The following RGS22 variants were observed in gnomAD, a reference collection of about 807,000 sequenced individuals.
RGS22 encodes regulator of G-protein signaling 22.
A neutral mutation model predicts 172.9 loss-of-function variants in RGS22; 148 were observed. The observed-to-expected ratio is 0.86, with a 90% CI of 0.75 to 0.98. RGS22 has a LOEUF of 0.98. Ranked by LOEUF, RGS22 falls within the 50% of genes least tolerant of loss-of-function variation. The probability of loss-of-function intolerance (pLI) is 0.00; values close to 1 mark genes in which losing one functional copy is unlikely to be tolerated. For missense variants in RGS22, 1,347 were observed against 1,440.8 expected (o/e 0.93, Z 1.05); for synonymous variants, 458 against 480.2 (o/e 0.95, Z 0.60).
chr8:100,101,587 C>A (rs1052865812), intron 2 of RGS22, among the ~76,000 whole-genome samples: 1 of 151,290 alleles, frequency 6.6e-6, no homozygotes, highest in Non-Finnish European at 1.5e-5. Context: ...GCCACTGCGC[C>A]CAGCCCTAAA....
intron 2 of RGS22, among the ~76,000 whole-genome samples, chr8:100,096,361 T>A (rs1167202113): frequency 2.0e-5 from 3 of 152,196 alleles, no homozygotes; most frequent in African/African-American, 7.2e-5. Context: ...GCAACACAGA[T>A]TCTCTGTTGA....
At chr8:100,099,518 C>A (rs534646921) in intron 2 of RGS22, among the ~76,000 whole-genome samples, 5 of 152,146 alleles carry the variant, frequency 3.3e-5, no homozygotes, top group African/African-American at 4.8e-5. Context: ...TATTAAAGGC[C>A]ATCTCTCTGA....
At chr8:99,979,015 C>T (rs1172355467) in intron 22 of RGS22, among the ~76,000 whole-genome samples, 1 of 152,146 alleles carries the variant, frequency 6.6e-6, no homozygotes, top group Non-Finnish European at 1.5e-5. Flanking sequence ...TTATTCACTC[C>T]TTCTAAAATA....
chr8:99,992,724 C>T (rs912313540), intron 20 of RGS22, among the ~76,000 whole-genome samples: 2 of 152,190 alleles, frequency 1.3e-5, no homozygotes, highest in Admixed American at 6.5e-5. Flanking sequence ...AGAAAATTAA[C>T]AAGGATATCC....
rs1292272798 is a variant in RGS22 at position 99,962,934 on chromosome 8, C to A, written c.3660G>T (p.Glu1220Asp). Residue 1220 changes from glutamate to aspartate, a missense_variant, in exon 25 of 28, where the codon GAG (glutamate) becomes GAT (aspartate). By Grantham distance (45) the Glu-to-Asp change is conservative. Transcript: ENST00000360863. The stretch of plus-strand genomic sequence containing the variant: ...CTTCTTGGATCTTAAGAAGAATTCT[C>A]TCCTGTTCTAAGGCTTCTATATACT... ...YSKYIEALEQ[E>D]RILLKIQEEL... is the part of the protein sequence containing the mutation. 1 of 1,600,240 alleles carries A rather than the reference C, an allele frequency of 6.2e-7. No homozygotes were observed. The highest frequency in any genetic ancestry group is 8.5e-7 in the Non-Finnish European group (1 of 1,176,930).
intron 20 of RGS22, among the ~76,000 whole-genome samples, 183 bp downstream of exon 20, chr8:99,996,279 T>G (rs1463267733): frequency 6.6e-6 from 1 of 152,004 alleles, no homozygotes; most frequent in Non-Finnish European, 1.5e-5. Context: ...AAGAACAGAG[T>G]TCTGATAGAG....
At chr8:100,013,449 CTGTTT>C (rs1441756114) in intron 14 of RGS22, among the ~76,000 whole-genome samples, 1 of 152,082 alleles carries the variant, frequency 6.6e-6, no homozygotes, top group Non-Finnish European at 1.5e-5. Context: ...TTTACTCTTT[CTGTTT>C]TAAGATTTAG....
chr8:99,981,559 C>T (rs1318469600), intron 22 of RGS22, among the ~76,000 whole-genome samples: 2 of 152,006 alleles, frequency 1.3e-5, no homozygotes, highest in Non-Finnish European at 2.9e-5. Context: ...AAAAAAACTG[C>T]ATTTAAGTTA....
At chr8:100,028,878 G>C (rs1818464691) in intron 14 of RGS22, among the ~76,000 whole-genome samples, 1 of 152,144 alleles carries the variant, frequency 6.6e-6, no homozygotes, top group African/African-American at 2.4e-5. Context: ...ACATGTGGCT[G>C]CTTCTAATCA....
At chr8:100,086,874 A>G (rs1812204882) in intron 3 of RGS22, among the ~76,000 whole-genome samples, 1 of 152,118 alleles carries the variant, frequency 6.6e-6, no homozygotes, top group African/African-American at 2.4e-5. Flanking sequence ...GAGCCACTGA[A>G]GAGTTTTTAG....
At chr8:100,036,548 G>A (rs1306012305) in intron 14 of RGS22, among the ~76,000 whole-genome samples, 3 of 152,106 alleles carry the variant, frequency 2.0e-5, no homozygotes, top group African/African-American at 7.2e-5. Flanking sequence ...CAGTCTCCTA[G>A]CACACGAATT....
At chr8:100,008,298 A>G (rs1815959644) in intron 15 of RGS22, 77 bp downstream of exon 15, 1 of 1,404,884 alleles carries the variant, frequency 7.1e-7, no homozygotes, top group Non-Finnish European at 9.8e-7. Context: ...TCGGCCTCCC[A>G]AAGTGCTGGG....
intron 9 of RGS22, among the ~76,000 whole-genome samples, chr8:100,060,402 G>GTGTGTA (rs1193942289): frequency 2.9e-5 from 3 of 102,934 alleles, no homozygotes; most frequent in African/African-American, 9.3e-5. Context: ...TTAGCTACGT[G>GTGTGTA]TATATATATA....
chr8:100,021,571 A>G (rs530340864), intron 14 of RGS22, among the ~76,000 whole-genome samples: 4 of 152,284 alleles, frequency 2.6e-5, no homozygotes, highest in Admixed American at 1.3e-4. Context: ...CAGTGTCTGG[A>G]CCCCAAAGAG....
At chr8:100,069,177 C>T (rs1332913724) in intron 6 of RGS22, among the ~76,000 whole-genome samples, 1 of 152,080 alleles carries the variant, frequency 6.6e-6, no homozygotes, top group Non-Finnish European at 1.5e-5. Context: ...AGCAAAGAGG[C>T]TTCCTCTTGT....
At chr8:100,081,644 A>G (rs1811768807) in intron 3 of RGS22, among the ~76,000 whole-genome samples, 1 of 152,056 alleles carries the variant, frequency 6.6e-6, no homozygotes, top group Non-Finnish European at 1.5e-5. Flanking sequence ...CATGGGATTC[A>G]AACAGGCACC....
At chr8:100,085,553 C>A (rs1812095325) in intron 3 of RGS22, among the ~76,000 whole-genome samples, 1 of 152,196 alleles carries the variant, frequency 6.6e-6, no homozygotes, top group African/African-American at 2.4e-5. Flanking sequence ...TCAAAAAGTT[C>A]ATGAGTCAGT....
intron 2 of RGS22, among the ~76,000 whole-genome samples, chr8:100,099,715 C>T (rs1227777703): frequency 2.0e-5 from 3 of 152,112 alleles, no homozygotes; most frequent in Admixed American, 2.0e-4. Context: ...TAAAGGATTC[C>T]ATAGAGATGA....
At chr8:99,996,111 G>C (rs963167306) in intron 20 of RGS22, among the ~76,000 whole-genome samples, 79 of 151,612 alleles carry the variant, frequency 5.2e-4, no homozygotes, top group Admixed American at 2.4e-3. Flanking sequence ...GGGCCTGTTG[G>C]GGGGTGGGGG....
Sources: allele counts gnomAD v4.1 joint callset (sites outside exome capture counted in the v4.1 genomes callset), GRCh38; gene constraint gnomAD v4.1.1; transcripts MANE v1.5; gene names NCBI Gene and HGNC (gene_info 2026-07-23, HGNC 2026-07-21).